COQ8B: variants seen among roughly 807,000 people sequenced by gnomAD.
COQ8B encodes coenzyme Q8B.
COQ8B carries 44 observed loss-of-function variants against 62.0 expected under a neutral mutation model. The observed-to-expected ratio is 0.71, with a 90% confidence interval of 0.56 to 0.91. The LOEUF (loss-of-function observed/expected upper bound fraction) is 0.91. Ranked by LOEUF, COQ8B falls within the 40% of genes least tolerant of loss-of-function variation. COQ8B has a pLI of 0.00. For missense variants in COQ8B, 649 were observed against 731.6 expected, an observed-to-expected ratio of 0.89 and a Z score of 1.30; for synonymous variants, 252 against 289.9, an observed-to-expected ratio of 0.87 and a Z score of 1.33.
rs574818158 is a variant in COQ8B, at chr19:40,714,536, G to A, written c.97C>T (p.Arg33Cys). 6 of 1,613,620 alleles carry A rather than the reference G, an allele frequency of 3.7e-6. No homozygotes were observed. The African/African-American group carries it at 5.3e-5, about 14-fold the overall frequency. Residue 33 changes from arginine (R) to cysteine (C), a missense_variant, in exon 2 of 15, where the codon CGC becomes TGC. Arg to Cys is a radical substitution (Grantham distance 180). Transcript: ENST00000324464. ...CCTGCTCCCTAGCCTCTTACCCAGC[G>A]GTGGGGCCCAGGCCCCAGGGCCCCA... ...PCGALGPGPHRWGPCGGSWAQ... is the reference protein window; with the variant it reads ...PCGALGPGPHCWGPCGGSWAQ...
chr19:40,705,294 C>A, intron 6 of COQ8B, 31 bp downstream of exon 6: 1 of 1,585,164 alleles, frequency 6.3e-7, no homozygotes, highest in South Asian at 1.1e-5. Context: ...GAAGGGAGGT[C>A]AGGGGTCAGG....
chr19:40,702,757 G>T, intron 9 of COQ8B, 64 bp from the exon 10 acceptor site: 2 of 1,463,910 alleles, frequency 1.4e-6, no homozygotes, highest in Non-Finnish European at 1.9e-6. Flanking sequence ...GCCTTCTCCT[G>T]CCAACCCTCT....
chr19:40,714,766 A>C, intron 1 of COQ8B, 131 bp from the exon 2 acceptor site: 1 of 1,291,840 alleles, frequency 7.7e-7, no homozygotes, highest in Admixed American at 3.4e-5. Flanking sequence ...ATAGATTCCC[A>C]CAGTTTCTCC....
intron 7 of COQ8B, chr19:40,704,352 T>C (rs955213185): frequency 1.3e-5 from 2 of 154,692 alleles, no homozygotes; most frequent in African/African-American, 4.8e-5. Flanking sequence ...GGTCTCACTA[T>C]GTTGCCCAGG....
At chr19:40,694,772 C>A (rs1413501191) in intron 13 of COQ8B, among the ~76,000 whole-genome samples, 1 of 152,220 alleles carries the variant, frequency 6.6e-6, no homozygotes. Context: ...GTTGGCCCCC[C>A]TCATCCCTCA....
chr19:40,706,265 C>G (rs2144704381), intron 5 of COQ8B, among the ~76,000 whole-genome samples: 1 of 152,234 alleles, frequency 6.6e-6, no homozygotes, highest in East Asian at 1.9e-4. Flanking sequence ...CCCTGAGGGT[C>G]CCTGAGACCA....
At chr19:40,693,429 G>C (rs1007737821) in intron 13 of COQ8B, among the ~76,000 whole-genome samples, 1 of 152,216 alleles carries the variant, frequency 6.6e-6, no homozygotes, top group Non-Finnish European at 1.5e-5. Context: ...ACTGGACTTT[G>C]AGCCCCGTGA....
chr19:40,694,585 T>C (rs2081999307), intron 13 of COQ8B, among the ~76,000 whole-genome samples: 1 of 152,288 alleles, frequency 6.6e-6, no homozygotes, highest in Non-Finnish European at 1.5e-5. Context: ...CATGGGTGCG[T>C]GTCAGAACAT....
chr19:40,698,777 GA>G (rs1354192971), intron 12 of COQ8B, among the ~76,000 whole-genome samples: 1 of 152,144 alleles, frequency 6.6e-6, no homozygotes, highest in African/African-American at 2.4e-5. Flanking sequence ...GGGATATCTT[GA>G]CCAGATTTGT....
intron 13 of COQ8B, among the ~76,000 whole-genome samples, chr19:40,695,331 A>AAAAAG (rs1461373116): frequency 6.6e-6 from 1 of 150,488 alleles, no homozygotes; most frequent in Non-Finnish European, 1.5e-5. Flanking sequence ...TAAAAAAAAA[A>AAAAAG]AAAAGAAAAG....
Position 40,692,447 on chromosome 19 carries a change from C to T in COQ8B, c.1297-74G>A, listed in dbSNP as rs1244547826. 18 of 1,328,428 alleles carry T rather than the reference C, an allele frequency of 1.4e-5. No individual in the cohort carries two copies. In the Middle Eastern group the frequency reaches 7.2e-4, roughly 53 times the overall value. 82.3% of individuals were successfully genotyped at this position (1,328,428 alleles called of 1,614,324 possible). On this transcript the variant is annotated intron_variant, in intron 14 of 14. Coordinates refer to ENST00000324464, the MANE Select transcript of COQ8B (RefSeq NM_024876.4). The stretch of plus-strand genomic sequence containing the variant: ...AGCCCTCTGCATAACCCAGAAACAA[C>T]GTGTAGCCTCCACTCCCTCCAGTCT...
Position 40,705,084 on chromosome 19 carries a change from C to G in COQ8B, c.576+12G>C. 6.3e-7 allele frequency: 1 copy of G among 1,598,248 alleles called. No individual in the cohort carries two copies. Among genetic ancestry groups the G allele is most frequent in the South Asian group, 1.1e-5 (1 of 88,610 alleles). ...CTGCCTCCCTCACCGCCCTCCCCCA[C>G]TGGGCACTCACCAGCATCTGCCAGC... On this transcript the variant is annotated intron_variant, in intron 7 of 14. Coordinates refer to ENST00000324464, the MANE Select transcript of COQ8B (RefSeq NM_024876.4).
rs2082065439 is a variant in COQ8B at position 40,702,180 on chromosome 19, C to T, written c.893+420G>A. Among the ~76,000 whole-genome samples, 5 of 152,112 alleles carry T rather than the reference C, an allele frequency of 3.3e-5. No homozygotes were observed. In the South Asian group the frequency reaches 1.0e-3, roughly 32 times the overall value. On this transcript the variant is annotated intron_variant, in intron 10 of 14. Transcript: ENST00000324464. ...GAATATAAGGGCTTATGTGATGATGCCAACCTGTTCTCAAAATGCTTCTAC... is the reference window on the plus strand; with the variant it reads ...GAATATAAGGGCTTATGTGATGATGTCAACCTGTTCTCAAAATGCTTCTAC...
In COQ8B at chr19:40,693,555, A is replaced by G. The variant is rs149742587; in HGVS notation, c.1210-518T>C. Among the ~76,000 whole-genome samples, 26 of 152,278 alleles carry G rather than the reference A, an allele frequency of 1.7e-4. No homozygotes were observed. The East Asian group carries it at 4.4e-3, about 26-fold the overall frequency. ...TGTGGAGCAGAGCAGCTCTCCAGCC[A>G]TGAGCTCACACACACAGGGCAGGAG... On this transcript the variant is annotated intron_variant, in intron 13 of 14. Transcript: ENST00000324464.
chr19:40,702,129 G>A (rs2082065113), intron 10 of COQ8B, among the ~76,000 whole-genome samples: 1 of 152,110 alleles, frequency 6.6e-6, no homozygotes, highest in Admixed American at 6.5e-5. Context: ...CAGCAGGGAG[G>A]GCAATCGTTG....
chr19:40,694,989 C>T (rs1259316919), intron 13 of COQ8B, among the ~76,000 whole-genome samples: 1 of 152,170 alleles, frequency 6.6e-6, no homozygotes, highest in African/African-American at 2.4e-5. Context: ...CCAGCTTTGC[C>T]TAGAATAGAG....
chr19:40,714,485 C>A, intron 2 of COQ8B, 46 bp downstream of exon 2: 1 of 1,613,686 alleles, frequency 6.2e-7, no homozygotes, highest in Non-Finnish European at 8.5e-7. Context: ...CCTCTGAAGT[C>A]TCCCTCAGCC....
At chr19:40,692,616 ACT>A (rs2081982072) in intron 14 of COQ8B, among the ~76,000 whole-genome samples, 1 of 151,516 alleles carries the variant, frequency 6.6e-6, no homozygotes, top group Non-Finnish European at 1.5e-5. Flanking sequence ...GTAGCCCTCT[ACT>A]CTCTCTACAA....
At chr19:40,697,970 C>G (rs1307301865) in intron 12 of COQ8B, among the ~76,000 whole-genome samples, 1 of 149,822 alleles carries the variant, frequency 6.7e-6, no homozygotes, top group African/African-American at 2.5e-5. Flanking sequence ...AATCCCAGCA[C>G]TTCGGGAGGC....
Sources: allele counts gnomAD v4.1 joint callset (sites outside exome capture counted in the v4.1 genomes callset), GRCh38; gene constraint gnomAD v4.1.1; transcripts MANE v1.5; gene names NCBI Gene and HGNC (gene_info 2026-07-23, HGNC 2026-07-21).